The following DIAPH2 variants were observed in gnomAD, a reference collection of about 807,000 sequenced individuals.
DIAPH2 encodes the protein diaphanous related formin 2, also known as protein diaphanous homolog 2.
A neutral mutation model predicts 92.7 loss-of-function variants in DIAPH2; 35 were observed. The ratio of observed to expected loss-of-function variants is 0.38; its 90% CI spans 0.29 to 0.50. The LOEUF is 0.50. Among genes scored for constraint, DIAPH2 ranks in the 20% least tolerant of loss-of-function variants. The pLI is 0.94. For missense variants in DIAPH2, 701 were observed against 819.5 expected, an observed-to-expected ratio of 0.86 and a Z score of 1.77; for synonymous variants, 301 against 280.4, an observed-to-expected ratio of 1.07 and a Z score of -0.73.
intron 26 of DIAPH2, among the ~76,000 whole-genome samples, chrX:97,430,853 G>T (rs2070119235): frequency 8.9e-6 from 1 of 112,169 alleles, no homozygotes; most frequent in South Asian, 3.7e-4. Context: ...ACATTTGGGT[G>T]AATCCTGATG....
intron 4 of DIAPH2, among the ~76,000 whole-genome samples, chrX:96,824,154 ATAAT>A (rs2064797271): frequency 9.0e-6 from 1 of 110,661 alleles, no homozygotes; most frequent in African/African-American, 3.3e-5. Flanking sequence ...TTCTATAGTG[ATAAT>A]TAATTTAATG....
At chrX:96,811,484 C>G (rs994279496) in intron 4 of DIAPH2, among the ~76,000 whole-genome samples, 1 of 111,750 alleles carries the variant, frequency 8.9e-6, no homozygotes, top group Non-Finnish European at 1.9e-5. Context: ...TTGATTTCCT[C>G]TTTTCCTTAT....
rs202046146 is a variant in DIAPH2, at chrX:97,312,345, C to CATTTTT, written c.2845-35771_2845-35770insATTTTT. Reference sequence around the variant, plus strand: ...TTGATCACTTTTGATCAATAGAATCCTTTTTTTTTTTTTTTTTTTTTTTTT... The same window carrying CATTTTT: ...TTGATCACTTTTGATCAATAGAATCCATTTTTTTTTTTTTTTTTTTTTTTTTTTTTT... On this transcript the variant is annotated intron_variant, in intron 23 of 26. Coordinates refer to ENST00000324765, the MANE Select transcript of DIAPH2 (RefSeq NM_006729.5). Among the ~76,000 whole-genome samples the CATTTTT allele has an allele frequency of 7.3e-5, 4 of 54,945 alleles. 1 individual carries two copies. Among genetic ancestry groups the CATTTTT allele is most frequent in the Non-Finnish European group, 3.1e-5 (1 of 32,558 alleles). 47.7% of individuals were successfully genotyped at this position (54,945 alleles called of 115,157 possible). A position where few individuals can be genotyped will look rare whatever the true frequency, so the allele number is the denominator to read the frequency against.
chrX:96,830,842 G>A (rs1048013879), intron 4 of DIAPH2, among the ~76,000 whole-genome samples: 2 of 111,080 alleles, frequency 1.8e-5, no homozygotes, highest in Admixed American at 1.9e-4. Context: ...TCCTTCTATT[G>A]ACACAGTTTT....
rs1249298673 is a variant in DIAPH2, at chrX:96,962,298, T to TATAC, written c.1936-2794_1936-2793insTACA. Among the ~76,000 whole-genome samples, 7 of 50,493 alleles carry TATAC rather than the reference T, an allele frequency of 1.4e-4. 1 individual carries two copies. The highest frequency in any genetic ancestry group is 5.2e-4 in the African/African-American group (7 of 13,387). 43.8% of individuals were successfully genotyped at this position (50,493 alleles called of 115,157 possible). Reference sequence around the variant, plus strand: ...ACATATATATATACATATATATATATACATATATATATACATATATATATA... The same window carrying TATAC: ...ACATATATATATACATATATATATATATACACATATATATATACATATATATATA... On this transcript the variant is annotated intron_variant, in intron 16 of 26. Transcript: ENST00000324765.
intron 16 of DIAPH2, among the ~76,000 whole-genome samples, chrX:96,964,741 A>G (rs899219450): frequency 9.0e-6 from 1 of 111,706 alleles, no homozygotes; most frequent in Non-Finnish European, 1.9e-5. Context: ...AACAAGGGGA[A>G]TTCACTTTTC....
chrX:96,918,366 G>A, intron 8 of DIAPH2, 143 bp from the exon 9 acceptor site: 1 of 402,397 alleles, frequency 2.5e-6, no homozygotes, highest in Non-Finnish European at 4.3e-6. Context: ...CATCAAAAAA[G>A]CAAATGATAA....
chrX:96,829,439 A>G (rs952681471), intron 4 of DIAPH2, among the ~76,000 whole-genome samples: 2 of 57,859 alleles, frequency 3.5e-5, no homozygotes, highest in African/African-American at 1.4e-4. Context: ...ACATATATAT[A>G]TGTATATATA....
intron 17 of DIAPH2, among the ~76,000 whole-genome samples, chrX:97,003,393 G>T (rs1393694279): frequency 9.0e-6 from 1 of 111,682 alleles, no homozygotes; most frequent in Non-Finnish European, 1.9e-5. Context: ...CTCCATAGAG[G>T]TTGTACTAAT....
chrX:96,955,162 C>T (rs964569274), intron 15 of DIAPH2, among the ~76,000 whole-genome samples: 1 of 111,135 alleles, frequency 9.0e-6, no homozygotes, highest in Non-Finnish European at 1.9e-5. Flanking sequence ...GCAGAGCTGG[C>T]GAGGCCTCAG....
intron 26 of DIAPH2, among the ~76,000 whole-genome samples, chrX:97,522,992 TA>T (rs761380039): frequency 1.4e-4 from 16 of 112,151 alleles, no homozygotes; most frequent in African/African-American, 3.9e-4. Flanking sequence ...CCTACTTTAT[TA>T]TCCAAGGTGT....
intron 4 of DIAPH2, among the ~76,000 whole-genome samples, chrX:96,787,686 C>CTT (rs56998803): frequency 0.098 from 5,343 of 54,613 alleles, 287 homozygotes; most frequent in East Asian, 0.27. Context: ...ACTCTTTTCT[C>CTT]TTTTTTTTTT....
At chrX:97,578,108 T>C (rs1227418792) in intron 26 of DIAPH2, among the ~76,000 whole-genome samples, 1 of 108,392 alleles carries the variant, frequency 9.2e-6, no homozygotes, top group African/African-American at 3.3e-5. Context: ...TTTTTTTTTT[T>C]TTAGAACTAA....
chrX:96,712,067 G>C (rs1213029742), intron 1 of DIAPH2, among the ~76,000 whole-genome samples: 1 of 111,368 alleles, frequency 9.0e-6, no homozygotes, highest in African/African-American at 3.3e-5. Context: ...GGTAGAGTTA[G>C]GTTCTAATCT....
At chrX:97,384,724 G>A (rs745961647) in intron 25 of DIAPH2, among the ~76,000 whole-genome samples, 102 of 110,144 alleles carry the variant, frequency 9.3e-4, no homozygotes, top group Non-Finnish European at 1.5e-3. Flanking sequence ...AAATTAGCCA[G>A]GCATGGTGGC....
chrX:97,572,870 A>G (rs1213250919), intron 26 of DIAPH2, among the ~76,000 whole-genome samples: 2 of 111,549 alleles, frequency 1.8e-5, no homozygotes, highest in Non-Finnish European at 3.8e-5. Context: ...AAAATTGTTA[A>G]GGTATAACAG....
intron 17 of DIAPH2, among the ~76,000 whole-genome samples, chrX:97,016,547 T>C (rs1304652847): frequency 8.9e-6 from 1 of 112,230 alleles, no homozygotes; most frequent in Non-Finnish European, 1.9e-5. Flanking sequence ...AGTTTATGCT[T>C]TCTCTCTTCA....
chrX:97,573,049 G>A (rs1231692395), intron 26 of DIAPH2, among the ~76,000 whole-genome samples: 1 of 111,162 alleles, frequency 9.0e-6, no homozygotes, highest in Non-Finnish European at 1.9e-5. Flanking sequence ...TGTCCCATAT[G>A]GTTTAAACCA....
chrX:96,928,915 A>T (rs1260901012), intron 9 of DIAPH2, among the ~76,000 whole-genome samples: 1 of 111,677 alleles, frequency 9.0e-6, no homozygotes, highest in Admixed American at 9.5e-5. Flanking sequence ...GACTTTTATT[A>T]TCTTTATTGT....
Sources: allele counts gnomAD v4.1 joint callset (sites outside exome capture counted in the v4.1 genomes callset), GRCh38; gene constraint gnomAD v4.1.1; transcripts MANE v1.5; gene names NCBI Gene and HGNC (gene_info 2026-07-23, HGNC 2026-07-21).